MAML3: variants seen among roughly 807,000 people sequenced by gnomAD.
MAML3 encodes the protein mastermind-like protein 3.
In MAML3, 27 loss-of-function variants were observed where a neutral mutation model predicts 101.9. The observed-to-expected ratio is 0.27, with a 90% CI of 0.20 to 0.37. The LOEUF is 0.37. MAML3 is among the 10% of genes least tolerant of loss of function. MAML3 has a pLI of 1.00. For missense variants in MAML3, 1,316 were observed against 1,444.9 expected, an observed-to-expected ratio of 0.91 and a Z score of 1.45; for synonymous variants, 501 against 555.9, an observed-to-expected ratio of 0.90 and a Z score of 1.39.
rs533176945 is a variant in MAML3, at chr4:139,941,016, G to A, written c.469-50049C>T. On this transcript the variant is annotated intron_variant, in intron 1 of 4. Coordinates refer to ENST00000509479, the MANE Select transcript of MAML3 (RefSeq NM_018717.5). ...TGGGTTGGATCTCTCATTTGTGTTC[G>A]TTCAATTTACAATCATAAATTAAAA... 3.3e-5 allele frequency among the ~76,000 whole-genome samples: 5 copies of A among 152,258 alleles called. No individual in the cohort carries two copies. The South Asian group carries it at 8.3e-4, about 25-fold the overall frequency.
At chr4:139,954,720 A>G (rs1733887948) in intron 1 of MAML3, among the ~76,000 whole-genome samples, 1 of 152,206 alleles carries the variant, frequency 6.6e-6, no homozygotes, top group Admixed American at 6.5e-5. Context: ...GGGTCTCACT[A>G]CATTGCCCAG....
In MAML3 at chr4:139,760,591, CA is replaced by C. The variant is rs1729735838; in HGVS notation, c.2080-29925del. ...CAAGAGTTCATTGTATACAGAACAC[CA>C]AGGCGCTTCATTGCCCAAAGGAACA... On this transcript the variant is annotated intron_variant, in intron 2 of 4. Coordinates refer to ENST00000509479, the MANE Select transcript of MAML3 (RefSeq NM_018717.5). Among the ~76,000 whole-genome samples the C allele has an allele frequency of 2.6e-5, 4 of 152,282 alleles. No homozygotes were observed. In the East Asian group the frequency reaches 5.8e-4, roughly 22 times the overall value.
chr4:140,006,450 G>A (rs770548753), intron 1 of MAML3, among the ~76,000 whole-genome samples: 47 of 152,082 alleles, frequency 3.1e-4, no homozygotes, highest in Non-Finnish European at 6.3e-4. Context: ...GCCAGGCATG[G>A]TGGCGGGTGC....
intron 2 of MAML3, among the ~76,000 whole-genome samples, chr4:139,828,344 G>A (rs1017199342): frequency 7.9e-5 from 12 of 152,190 alleles, no homozygotes; most frequent in African/African-American, 2.7e-4. Flanking sequence ...TGTCACCAAA[G>A]TTCACTTTTC....
intron 2 of MAML3, among the ~76,000 whole-genome samples, chr4:139,866,823 G>A (rs1488641882): frequency 3.9e-5 from 6 of 152,048 alleles, no homozygotes; most frequent in East Asian, 1.9e-4. Context: ...AGGCTTGTGC[G>A]CCCACCCACA....
At chr4:139,725,890 A>G (rs1209412414) in intron 3 of MAML3, 55 bp from the exon 4 acceptor site, 1 of 1,418,686 alleles carries the variant, frequency 7.0e-7, no homozygotes, top group African/African-American at 1.4e-5. Flanking sequence ...GCAAGCACAC[A>G]ATTCAATATC....
chr4:140,087,760 C>T (rs1479558453), intron 1 of MAML3, among the ~76,000 whole-genome samples: 1 of 152,112 alleles, frequency 6.6e-6, no homozygotes, highest in African/African-American at 2.4e-5. Flanking sequence ...CCTGGGTCTC[C>T]TTCACTACTC....
In MAML3 at chr4:139,754,850, T is replaced by C. The variant is rs531867933; in HGVS notation, c.2080-24183A>G. Among the ~76,000 whole-genome samples, 16 of 152,360 alleles carry C rather than the reference T, an allele frequency of 1.1e-4. No homozygotes were observed. In the East Asian group the frequency reaches 3.1e-3, roughly 29 times the overall value. Reference sequence around the variant, plus strand: ...TAAATAAAACTAATTTTTAAAATTATTTAAAGTTTATTTATAACATGTAGT... The same window carrying C: ...TAAATAAAACTAATTTTTAAAATTACTTAAAGTTTATTTATAACATGTAGT... On this transcript the variant is annotated intron_variant, in intron 2 of 4. Transcript: ENST00000509479.
At chr4:140,110,600 T>C (rs1318382906) in intron 1 of MAML3, among the ~76,000 whole-genome samples, 1 of 152,164 alleles carries the variant, frequency 6.6e-6, no homozygotes, top group Non-Finnish European at 1.5e-5. Context: ...AAAAAAGCCT[T>C]GTGGAGAAAA....
chr4:139,876,540 T>C (rs1869716), intron 2 of MAML3, among the ~76,000 whole-genome samples: 16,845 of 152,274 alleles, frequency 0.11, 2,346 homozygotes, highest in African/African-American at 0.33. Context: ...GGGCCTTCAA[T>C]CACCCTTCTA....
Position 139,719,414 on chromosome 4 carries a change from G to T in MAML3, c.3326C>A (p.Pro1109Gln), listed in dbSNP as rs202229376. ...DGAGGSFPGL[P>Q]DGADLVDSII... is the part of the protein sequence containing the mutation. ...GGAGTCCACAAGGTCTGCACCGTCC[G>T]GGAGGCCAGGGAAGGAACCCCCAGC... The change falls in exon 5 of 5, where the codon CCG becomes CAG. Residue 1109 changes from proline (P) to glutamine (Q), a missense_variant. Coordinates refer to ENST00000509479, the MANE Select transcript of MAML3 (RefSeq NM_018717.5). 426 of 1,613,968 alleles carry T rather than the reference G, an allele frequency of 2.6e-4. No individual in the cohort carries two copies. Among genetic ancestry groups the T allele is most frequent in the Middle Eastern group, 2.5e-3 (15 of 6,062 alleles).
At chr4:139,843,695 G>T (rs572836892) in intron 2 of MAML3, among the ~76,000 whole-genome samples, 2 of 152,066 alleles carry the variant, frequency 1.3e-5, no homozygotes, top group Non-Finnish European at 2.9e-5. Context: ...ATCTTAATTC[G>T]GAGTCTTCTA....
intron 1 of MAML3, among the ~76,000 whole-genome samples, chr4:140,138,450 G>A (rs1448707318): frequency 1.3e-5 from 2 of 152,182 alleles, no homozygotes; most frequent in Non-Finnish European, 2.9e-5. Flanking sequence ...TCTAAACGGA[G>A]AAAGTTGCTT....
At chr4:140,152,722 T>G (rs1729196433) in intron 1 of MAML3, 138 bp downstream of exon 1, 2 of 1,413,604 alleles carry the variant, frequency 1.4e-6, no homozygotes, top group Admixed American at 2.8e-5. Context: ...AAAGTTGACG[T>G]TAACCCTTAG....
At chr4:140,024,512 G>A (rs945249420) in intron 1 of MAML3, among the ~76,000 whole-genome samples, 1 of 152,070 alleles carries the variant, frequency 6.6e-6, no homozygotes, top group Non-Finnish European at 1.5e-5. Context: ...ACAAGCGTGT[G>A]CTGGGATTAC....
At chr4:139,808,009 T>C (rs1730729734) in intron 2 of MAML3, among the ~76,000 whole-genome samples, 1 of 152,184 alleles carries the variant, frequency 6.6e-6, no homozygotes, top group Admixed American at 6.5e-5. Context: ...TGGGGAAAGG[T>C]ACACTCCTCC....
chr4:140,052,101 G>A (rs1727278300), intron 1 of MAML3, among the ~76,000 whole-genome samples: 1 of 152,132 alleles, frequency 6.6e-6, no homozygotes, highest in South Asian at 2.1e-4. Context: ...GGAAAAAAAT[G>A]AGAATGTGGG....
At chr4:139,919,386 A>G (rs1409642332) in intron 1 of MAML3, among the ~76,000 whole-genome samples, 1 of 152,212 alleles carries the variant, frequency 6.6e-6, no homozygotes, top group Non-Finnish European at 1.5e-5. Flanking sequence ...GTTAAATCCC[A>G]TTTTATTTTG....
At position 139,717,547 on chromosome 4, in the gene MAML3, T is replaced by C. The variant is rs1321391839; in HGVS notation, c.*1776A>G. 1.3e-5 allele frequency: 2 copies of C among 152,246 alleles called. No homozygotes were observed. Among genetic ancestry groups the C allele is most frequent in the African/African-American group, 4.8e-5 (2 of 41,458 alleles). 9.4% of individuals were successfully genotyped at this position (152,246 alleles called of 1,614,324 possible). A position where few individuals can be genotyped will look rare whatever the true frequency, so the allele number is the denominator to read the frequency against. ...TCTGGCCTTACATCCTGCCCCTTCC[T>C]GAGCAGCTCTACAACCCCGGGTACG... On this transcript the variant is annotated 3_prime_UTR_variant, in exon 5 of 5. Transcript: ENST00000509479.
Sources: allele counts gnomAD v4.1 joint callset (sites outside exome capture counted in the v4.1 genomes callset), GRCh38; gene constraint gnomAD v4.1.1; transcripts MANE v1.5; gene names NCBI Gene and HGNC (gene_info 2026-07-23, HGNC 2026-07-21).